The following GTF3C1 variants were observed in gnomAD, a reference collection of about 807,000 sequenced individuals.
The protein encoded by GTF3C1 is general transcription factor 3C polypeptide 1.
A neutral mutation model predicts 226.7 loss-of-function variants in GTF3C1; 57 were observed. The observed-to-expected ratio is 0.25, with a 90% CI of 0.20 to 0.31. GTF3C1 has a LOEUF of 0.31. Among genes scored for constraint, GTF3C1 ranks in the 10% least tolerant of loss-of-function variants. The pLI is 1.00. For synonymous variants in GTF3C1, 1,090 were observed against 1,084.8 expected, an observed-to-expected ratio of 1.00 and a Z score of -0.09; for missense variants, 2,217 against 2,776.1, an observed-to-expected ratio of 0.80 and a Z score of 4.53.
Position 27,489,170 on chromosome 16 carries a change from C to G in GTF3C1, c.3302G>C (p.Arg1101Pro). Residue 1101 changes from arginine (R) to proline (P), a missense_variant, in exon 21 of 37, where the codon CGT becomes CCT. Transcript: ENST00000356183. ...CAMLEYTTGS[R>P]EVVDEGLIPG... is the part of the protein sequence containing the mutation. ...GATCAAGCCTTCATCCACCACCTCA[C>G]GGCTTCCACTAAAAGACAGGAAATC... 6.2e-7 allele frequency: 1 copy of G among 1,614,116 alleles called. No homozygotes were observed. The highest frequency in any genetic ancestry group is 8.5e-7 in the Non-Finnish European group (1 of 1,179,984).
chr16:27,484,631 G>A (rs2088107286), intron 24 of GTF3C1, among the ~76,000 whole-genome samples: 1 of 152,220 alleles, frequency 6.6e-6, no homozygotes, highest in African/African-American at 2.4e-5. Flanking sequence ...GGGGCGGGGG[G>A]GAACTGCCTG....
At chr16:27,544,448 G>T (rs1476507918) in intron 2 of GTF3C1, among the ~76,000 whole-genome samples, 1 of 151,792 alleles carries the variant, frequency 6.6e-6, no homozygotes, top group East Asian at 1.9e-4. Context: ...AAGAGCAGGG[G>T]TAGAGGGAGC....
intron 8 of GTF3C1, 105 bp downstream of exon 8, chr16:27,508,435 C>T: frequency 1.1e-6 from 1 of 874,152 alleles, no homozygotes; most frequent in South Asian, 1.5e-5. Context: ...GCCTCCTTGA[C>T]ACAGATGTCA....
intron 2 of GTF3C1, among the ~76,000 whole-genome samples, chr16:27,543,186 G>A (rs1044172708): frequency 6.6e-6 from 1 of 152,210 alleles, no homozygotes; most frequent in Admixed American, 6.5e-5. Flanking sequence ...AGGTGTTCAA[G>A]ACCGGCCTAG....
chr16:27,507,178 T>C lies in GTF3C1; in HGVS notation c.1243-22A>G, dbSNP rs1397356929. ...ATCCCTAGAGGGAATAAGATGTGTT[T>C]ATCCCACTGCAAAGAGGGCGTCATA... On this transcript the variant is annotated intron_variant, in intron 8 of 36. Coordinates refer to ENST00000356183, the MANE Select transcript of GTF3C1 (RefSeq NM_001520.4). This position sits in a 1 kb window ranked among gnomAD's most constrained non-coding sequence, Gnocchi z 4.9. The C allele has an allele frequency of 3.9e-6, 6 of 1,558,006 alleles. No individual in the cohort carries two copies. The highest frequency in any genetic ancestry group is 5.2e-6 in the Non-Finnish European group (6 of 1,142,976).
At chr16:27,482,461 G>A (rs1025051786) in intron 26 of GTF3C1, 2 of 455,952 alleles carry the variant, frequency 4.4e-6, no homozygotes, top group Admixed American at 2.4e-5. Flanking sequence ...TCCGGGAGCT[G>A]ACTACACTGT....
At chr16:27,494,159 T>C (rs2088275526) in intron 16 of GTF3C1, among the ~76,000 whole-genome samples, 1 of 152,148 alleles carries the variant, frequency 6.6e-6, no homozygotes, top group Non-Finnish European at 1.5e-5. Flanking sequence ...CCCAGCACTT[T>C]GGGAGGCCAA....
At chr16:27,480,792 T>C (rs1173942632) in intron 27 of GTF3C1, 4 of 383,478 alleles carry the variant, frequency 1.0e-5, no homozygotes, top group Admixed American at 3.9e-5. Flanking sequence ...GTTACTTACA[T>C]AGGAATTTCC....
chr16:27,533,237 C>A (rs957983675), intron 5 of GTF3C1, 54 bp downstream of exon 5: 1 of 850,798 alleles, frequency 1.2e-6, no homozygotes, highest in Non-Finnish European at 2.0e-6. Context: ...ACAAGACCTC[C>A]CGGCTATGGT....
rs1250376760 is a variant in GTF3C1, at chr16:27,463,974, G to A, written c.5872+346C>T. The A allele has an allele frequency of 1.4e-5, 6 of 418,152 alleles. No individual in the cohort carries two copies. Among genetic ancestry groups the A allele is most frequent in the African/African-American group, 4.2e-5 (2 of 48,116 alleles). 25.9% of individuals were successfully genotyped at this position (418,152 alleles called of 1,614,324 possible). A position where few individuals can be genotyped will look rare whatever the true frequency, so the allele number is the denominator to read the frequency against. On this transcript the variant is annotated intron_variant, in intron 34 of 36. Coordinates refer to ENST00000356183, the MANE Select transcript of GTF3C1 (RefSeq NM_001520.4). This position sits in a 1 kb window ranked among gnomAD's most constrained non-coding sequence, Gnocchi z 4.9. The stretch of plus-strand genomic sequence containing the variant: ...GAGAAGGCCGCTGCTGATGACAGAC[G>A]TGCAGGAAAGGAAAGGGCGTGCTGC...
rs1412291480 is a variant in GTF3C1 at position 27,536,055 on chromosome 16, C to T, written c.752+1729G>A. On this transcript the variant is annotated intron_variant, in intron 4 of 36. Coordinates refer to ENST00000356183, the MANE Select transcript of GTF3C1 (RefSeq NM_001520.4). Reference sequence around the variant, plus strand: ...TACTGTAGAGTGAGGTCTGCAGCTGCGACTGCCCGCCATTTCAATTTATCT... The same window carrying T: ...TACTGTAGAGTGAGGTCTGCAGCTGTGACTGCCCGCCATTTCAATTTATCT... Among the ~76,000 whole-genome samples the T allele has an allele frequency of 3.3e-5, 5 of 152,182 alleles. No individual in the cohort carries two copies. The South Asian group carries it at 6.2e-4, about 19-fold the overall frequency.
rs1318130085 is a variant in GTF3C1, at chr16:27,507,655, G to A, written c.1243-499C>T. ...CTTCCCAGGGCCTTTGATAGGAAAAGAGTAACATCTAGGTACTATCACATG... is the reference window on the plus strand; with the variant it reads ...CTTCCCAGGGCCTTTGATAGGAAAAAAGTAACATCTAGGTACTATCACATG... On this transcript the variant is annotated intron_variant, in intron 8 of 36. Coordinates refer to ENST00000356183, the MANE Select transcript of GTF3C1 (RefSeq NM_001520.4). The surrounding 1 kb of genome is among the most constrained non-coding windows in gnomAD (Gnocchi z 4.9). Among the ~76,000 whole-genome samples, 1 of 152,248 alleles carries A rather than the reference G, an allele frequency of 6.6e-6. No homozygotes were observed. The highest frequency in any genetic ancestry group is 1.5e-5 in the Non-Finnish European group (1 of 68,046).
At chr16:27,474,125 G>A (rs559764056) in intron 29 of GTF3C1, among the ~76,000 whole-genome samples, 3 of 152,304 alleles carry the variant, frequency 2.0e-5, no homozygotes, top group Non-Finnish European at 2.9e-5. Flanking sequence ...GGAGCCTCGC[G>A]GGGTCCCCTA....
intron 14 of GTF3C1, 53 bp downstream of exon 14, chr16:27,497,584 A>G: frequency 6.8e-7 from 1 of 1,467,346 alleles, no homozygotes; most frequent in Non-Finnish European, 9.4e-7. Context: ...AAACATTGTC[A>G]TACAAACAAC....
At chr16:27,506,163 G>A (rs1465776767) in intron 9 of GTF3C1, 47 bp from the exon 10 acceptor site, 2 of 1,101,400 alleles carry the variant, frequency 1.8e-6, no homozygotes, top group South Asian at 1.3e-5. Context: ...GAGGCCAGGA[G>A]GGCATTCATG....
intron 6 of GTF3C1, among the ~76,000 whole-genome samples, chr16:27,521,036 G>T (rs554134002): frequency 6.6e-6 from 1 of 152,308 alleles, no homozygotes; most frequent in African/African-American, 2.4e-5. Context: ...TGCTCTTAAA[G>T]CGCGATCAAT....
chr16:27,464,263 G>T (rs1002169771), intron 34 of GTF3C1, 57 bp downstream of exon 34: 7 of 1,178,010 alleles, frequency 5.9e-6, no homozygotes, highest in Middle Eastern at 2.2e-4. Flanking sequence ...CATCAGGGCG[G>T]AGGGGAGGGA....
At chr16:27,525,261 G>A (rs232085) in intron 6 of GTF3C1, among the ~76,000 whole-genome samples, 31,394 of 152,108 alleles carry the variant, frequency 0.21, 4,024 homozygotes, top group African/African-American at 0.36. Context: ...TCTCAGTTCC[G>A]TGAGCCTTTT....
chr16:27,508,609 C>A lies in GTF3C1; in HGVS notation c.1173G>T (p.Val391=). ...CTTCTAGTTTTCCCACATTCATAGC[C>A]ACTCGGATTTCAGCTTGGGAAATTC... ...TKGISQAEIR[V]AMNVGKLEAR... The change falls in exon 8 of 37, where the codon GTG becomes GTT. Residue 391 remains valine (V), a synonymous_variant. Coordinates refer to ENST00000356183, the MANE Select transcript of GTF3C1 (RefSeq NM_001520.4). 6.2e-7 allele frequency: 1 copy of A among 1,614,182 alleles called. No individual in the cohort carries two copies. The highest frequency in any genetic ancestry group is 8.5e-7 in the Non-Finnish European group (1 of 1,180,010).
Sources: gnomAD v4.1 joint callset for allele counts (sites outside exome capture counted in the v4.1 genomes callset) on GRCh38, gnomAD v4.1.1 for gene constraint, Gnocchi (gnomAD v3.1) non-coding constraint, MANE v1.5 for transcripts, NCBI Gene and HGNC (gene_info 2026-07-23, HGNC 2026-07-21) for gene names.